Variants in CAST observed in about 807,000 individuals in gnomAD.
CAST encodes MIR583 host.
Under a neutral mutation model 119.6 loss-of-function variants are expected in CAST, and 76 were observed. That is an observed-to-expected ratio of 0.64 (90% CI 0.53 to 0.77). CAST has a LOEUF of 0.77. CAST is among the 30% of genes least tolerant of loss of function. The probability of loss-of-function intolerance (pLI) is 0.00; values close to 1 mark genes in which losing one functional copy is unlikely to be tolerated. For synonymous variants in CAST, 319 were observed against 331.6 expected, an observed-to-expected ratio of 0.96 and a Z score of 0.41; for missense variants, 953 against 946.5, an observed-to-expected ratio of 1.01 and a Z score of -0.09.
At chr5:96,742,450 C>T (rs1051709486) in intron 15 of CAST, 13 of 545,846 alleles carry the variant, frequency 2.4e-5, no homozygotes, top group African/African-American at 9.5e-5. Flanking sequence ...ACTGTAGAAA[C>T]GTGTCTTAGC....
intron 4 of CAST, among the ~76,000 whole-genome samples, chr5:96,724,805 A>G (rs2150413872): frequency 6.7e-6 from 1 of 149,858 alleles, no homozygotes; most frequent in South Asian, 2.1e-4. Flanking sequence ...CCCAGGTGAC[A>G]GAGCAAGACC....
At chr5:96,487,670 T>C in the CAST span, among the ~76,000 whole-genome samples, 1 of 152,346 alleles carries the variant, frequency 6.6e-6, no homozygotes, top group South Asian at 2.1e-4. Flanking sequence ...CCTCTCCTTG[T>C]GACATTTCTC....
chr5:96,254,672 C>T, the CAST span, among the ~76,000 whole-genome samples: 2 of 152,090 alleles, frequency 1.3e-5, no homozygotes, highest in African/African-American at 4.8e-5. Context: ...TTGAATTTTA[C>T]TCCAGGGACA....
chr5:96,662,336 CCTCT>C (rs1249771276), upstream of CAST: 14 of 1,192,818 alleles, frequency 1.2e-5, no homozygotes, highest in African/African-American at 5.0e-5. Context: ...TCCCTCCCTC[CCTCT>C]CTCCCTGGCA....
chr5:96,105,877 G>T, the CAST span, among the ~76,000 whole-genome samples: 1 of 152,136 alleles, frequency 6.6e-6, no homozygotes, highest in East Asian at 1.9e-4. Context: ...GACTCTTCTT[G>T]GTTGGTAAGC....
the CAST span, among the ~76,000 whole-genome samples, chr5:96,190,060 T>C: frequency 1.3e-5 from 2 of 152,222 alleles, no homozygotes; most frequent in East Asian, 3.8e-4. Flanking sequence ...TTTTCTTGGC[T>C]GCTTGATAGG....
At chr5:96,121,602 A>G in the CAST span, among the ~76,000 whole-genome samples, 2 of 152,196 alleles carry the variant, frequency 1.3e-5, no homozygotes, top group Non-Finnish European at 1.5e-5. Flanking sequence ...GAATCAAGCC[A>G]AGAAATACAA....
chr5:96,512,900 T>C, the CAST span, among the ~76,000 whole-genome samples: 1 of 152,330 alleles, frequency 6.6e-6, no homozygotes, highest in Admixed American at 6.5e-5. Context: ...TCTGAAAACA[T>C]GTAGCAGATG....
the CAST span, among the ~76,000 whole-genome samples, chr5:96,106,157 C>A: frequency 9.2e-5 from 14 of 152,210 alleles, no homozygotes; most frequent in African/African-American, 3.1e-4. Flanking sequence ...AGCGGCCTAT[C>A]AATTTTGTTG....
At chr5:96,653,766 T>C (rs1748122553) in intron 1 of CAST, among the ~76,000 whole-genome samples, 1 of 152,168 alleles carries the variant, frequency 6.6e-6, no homozygotes, top group Non-Finnish European at 1.5e-5. Context: ...AAAAAAGAAT[T>C]TGGGGGCCAA....
At chr5:96,558,108 G>T (rs1415341498) in intron 1 of CAST, among the ~76,000 whole-genome samples, 1 of 152,124 alleles carries the variant, frequency 6.6e-6, no homozygotes, top group East Asian at 1.9e-4. Flanking sequence ...AATGACTACT[G>T]GGTACATAAC....
At chr5:96,219,076 G>T in the CAST span, among the ~76,000 whole-genome samples, 8 of 152,310 alleles carry the variant, frequency 5.3e-5, no homozygotes, top group South Asian at 1.7e-3. Context: ...CAGGATAAGT[G>T]CTCAGTTAAT....
the CAST span, among the ~76,000 whole-genome samples, chr5:96,042,651 TA>T: frequency 6.6e-6 from 1 of 152,126 alleles, no homozygotes; most frequent in Non-Finnish European, 1.5e-5. Flanking sequence ...ATTATCATAG[TA>T]AAAAGTTGGA....
chr5:96,582,562 G>T (rs919272015), intron 1 of CAST, among the ~76,000 whole-genome samples: 1 of 152,154 alleles, frequency 6.6e-6, no homozygotes, highest in Non-Finnish European at 1.5e-5. Flanking sequence ...CCAGGAGCGT[G>T]GGCCAGCATA....
the CAST span, among the ~76,000 whole-genome samples, chr5:96,022,927 C>A: frequency 6.6e-6 from 1 of 152,136 alleles, no homozygotes; most frequent in African/African-American, 2.4e-5. Flanking sequence ...TGTTTAAAGT[C>A]AACTGATTGT....
At chr5:96,353,578 C>A in the CAST span, among the ~76,000 whole-genome samples, 3 of 151,656 alleles carry the variant, frequency 2.0e-5, no homozygotes, top group African/African-American at 7.3e-5. Flanking sequence ...GTGCATCATC[C>A]AGTCTGTTGA....
At chr5:96,651,592 C>T (rs1211900113) in intron 1 of CAST, among the ~76,000 whole-genome samples, 6 of 152,300 alleles carry the variant, frequency 3.9e-5, no homozygotes, top group Non-Finnish European at 7.4e-5. Flanking sequence ...AAGAAAGAGA[C>T]TGAGGTTCTA....
intron 16 of CAST, chr5:96,743,521 A>G: frequency 6.9e-7 from 1 of 1,446,040 alleles, no homozygotes; most frequent in South Asian, 1.4e-5. Flanking sequence ...CATTGCTGTC[A>G]CAATGCCCCA....
chr5:96,327,932 A>G, the CAST span, among the ~76,000 whole-genome samples: 1 of 152,170 alleles, frequency 6.6e-6, no homozygotes, highest in South Asian at 2.1e-4. Context: ...GTGCTGTACA[A>G]ATCTTAGTGA....
Sources: allele counts gnomAD v4.1 joint callset (sites outside exome capture counted in the v4.1 genomes callset), GRCh38; gene constraint gnomAD v4.1.1; transcripts MANE v1.5; gene names NCBI Gene and HGNC (gene_info 2026-07-23, HGNC 2026-07-21).